Variants in RAB5IF observed in about 807,000 individuals in gnomAD.
RAB5IF encodes the protein RAB5 interacting factor, also known as GEL complex subunit OPTI.
RAB5IF carries 15 observed loss-of-function variants against 20.3 expected under a neutral mutation model. That is an observed-to-expected ratio of 0.74 (90% confidence interval 0.50 to 1.14). The LOEUF (loss-of-function observed/expected upper bound fraction) is 1.14. RAB5IF is among the 50% of genes most tolerant of loss of function. The pLI, the probability that RAB5IF is intolerant of heterozygous loss-of-function variation, is 0.00. For synonymous variants in RAB5IF, 67 were observed against 63.7 expected (o/e 1.05, Z -0.25); for missense variants, 148 against 159.5 (o/e 0.93, Z 0.39).
chr20:36,606,548 C>T (rs998835834), intron 1 of RAB5IF, among the ~76,000 whole-genome samples: 3 of 152,306 alleles, frequency 2.0e-5, no homozygotes, highest in Non-Finnish European at 4.4e-5. Flanking sequence ...TACTGTGGTA[C>T]ATTAAAGCCT....
chr20:36,608,174 A>C, intron 2 of RAB5IF: 2 of 344,592 alleles, frequency 5.8e-6, no homozygotes, highest in South Asian at 4.6e-5. Flanking sequence ...GTATTTGACG[A>C]CCATTTCCCT....
intron 1 of RAB5IF, among the ~76,000 whole-genome samples, chr20:36,606,909 G>A (rs1385466639): frequency 3.3e-5 from 5 of 152,186 alleles, no homozygotes; most frequent in African/African-American, 1.2e-4. Context: ...TTCCTGTAAA[G>A]GGGGATGGGA....
intron 3 of RAB5IF, 86 bp downstream of exon 3, chr20:36,609,816 A>C: frequency 6.2e-7 from 1 of 1,612,474 alleles, no homozygotes; most frequent in African/African-American, 1.3e-5. Context: ...ATTGAGTTAC[A>C]CTGTGTGAGC....
Position 36,612,239 on chromosome 20 carries a change from A to G in RAB5IF, c.*188A>G. The G allele has an allele frequency of 1.2e-6, 2 of 1,611,060 alleles. No individual in the cohort carries two copies. The highest frequency in any genetic ancestry group is 1.7e-6 in the Non-Finnish European group (2 of 1,177,236). On this transcript the variant is annotated 3_prime_UTR_variant, in exon 4 of 4. Transcript: ENST00000344795. ...TGTGACCTGAAACTTTTTAAAAACC[A>G]CCCACCTTTGGGGAAGCATTTCTGA...
rs1248716719 is a variant in RAB5IF, at chr20:36,609,182, C to A, written c.219-419C>A. ...ACACACACACACACACACACACACACACACACACACACGCACACACGCACA... is the reference window on the plus strand; with the variant it reads ...ACACACACACACACACACACACACAAACACACACACACGCACACACGCACA... On this transcript the variant is annotated intron_variant, in intron 2 of 3. Transcript: ENST00000344795. Among the ~76,000 whole-genome samples the A allele has an allele frequency of 1.0e-4, 4 of 39,694 alleles. 1 individual carries two copies. Among genetic ancestry groups the A allele is most frequent in the Non-Finnish European group, 1.4e-4 (3 of 20,788 alleles). The allele number at this position is 39,694 out of a possible 152,430, so 26.0% of individuals were successfully genotyped here.
chr20:36,606,599 C>T (rs1447255565), intron 1 of RAB5IF, among the ~76,000 whole-genome samples: 1 of 152,142 alleles, frequency 6.6e-6, no homozygotes, highest in Non-Finnish European at 1.5e-5. Context: ...GCTGCTGTTG[C>T]TTGTTGAATG....
At chr20:36,606,420 C>T (rs922349968) in intron 1 of RAB5IF, among the ~76,000 whole-genome samples, 3 of 152,224 alleles carry the variant, frequency 2.0e-5, no homozygotes, top group Non-Finnish European at 4.4e-5. Context: ...TTACTTGTTT[C>T]TTTCGAATTA....
chr20:36,611,790 A>G (rs2039128466), intron 3 of RAB5IF, among the ~76,000 whole-genome samples: 1 of 151,794 alleles, frequency 6.6e-6, no homozygotes, highest in Non-Finnish European at 1.5e-5. Context: ...GTAGGGGAGG[A>G]GCTTATCAGG....
chr20:36,609,229 A>G (rs1461374043), intron 2 of RAB5IF, among the ~76,000 whole-genome samples: 1 of 123,734 alleles, frequency 8.1e-6, no homozygotes. Context: ...GCACACACAC[A>G]CACACACACA....
Position 36,606,839 on chromosome 20 carries a change from T to C in RAB5IF, c.114+774T>C, listed in dbSNP as rs144896990. On this transcript the variant is annotated intron_variant, in intron 1 of 3. Transcript: ENST00000344795. ...GATTCCAGGTAGCTTGAAAAGCGTA[T>C]TATATTTGCAGTCATTTCTTGGTTT... Among the ~76,000 whole-genome samples the C allele has an allele frequency of 8.5e-5, 13 of 152,340 alleles. No homozygotes were observed. The East Asian group carries it at 2.5e-3, about 29-fold the overall frequency.
chr20:36,607,603 G>C (rs1600800412), intron 1 of RAB5IF, 112 bp from the exon 2 acceptor site: 2 of 1,286,600 alleles, frequency 1.6e-6, no homozygotes, highest in Non-Finnish European at 2.2e-6. Context: ...GTTGCCTTTG[G>C]GGGGAAACAA....
chr20:36,605,933 C>G lies in RAB5IF; in HGVS notation c.-19C>G. On this transcript the variant is annotated 5_prime_UTR_variant, in exon 1 of 4. Coordinates refer to ENST00000344795, the MANE Select transcript of RAB5IF (RefSeq NM_018840.5). ...CAGCCCGCGCGCCCCAGGCCCGGCCCGGGCGGCGCGACGGGAGGATGAGCG... is the reference window on the plus strand; with the variant it reads ...CAGCCCGCGCGCCCCAGGCCCGGCCGGGGCGGCGCGACGGGAGGATGAGCG... The G allele has an allele frequency of 6.8e-7, 1 of 1,478,902 alleles. No homozygotes were observed. The highest frequency in any genetic ancestry group is 2.7e-5 in the East Asian group (1 of 37,380). 91.6% of individuals were successfully genotyped at this position (1,478,902 alleles called of 1,614,324 possible).
intron 1 of RAB5IF, 88 bp downstream of exon 1, chr20:36,606,153 C>G (rs2038929296): frequency 2.4e-6 from 2 of 818,976 alleles, no homozygotes; most frequent in South Asian, 4.9e-5. Context: ...CCCTCGTCCT[C>G]GTTCCGGCAC....
At position 36,612,419 on chromosome 20, in the gene RAB5IF, T is replaced by A. The variant is rs1278961966; in HGVS notation, c.*368T>A. ...TCCATCGGGTGTAGAGTTTTTAAAC[T>A]ATCAATGGCATTTCAAGTCTTCTGA... is the stretch of plus-strand genomic sequence containing the variant. On this transcript the variant is annotated 3_prime_UTR_variant, in exon 4 of 4. Coordinates refer to ENST00000344795, the MANE Select transcript of RAB5IF (RefSeq NM_018840.5). 4.8e-6 allele frequency: 3 copies of A among 619,554 alleles called. No individual in the cohort carries two copies. Among genetic ancestry groups the A allele is most frequent in the Non-Finnish European group, 8.5e-6 (3 of 353,662 alleles). The allele number at this position is 619,554 out of a possible 1,614,324, so 38.4% of individuals were successfully genotyped here. A position where few individuals can be genotyped will look rare whatever the true frequency, so the allele number is the denominator to read the frequency against.
At chr20:36,609,211 G>GCACACA (rs1269110587) in intron 2 of RAB5IF, among the ~76,000 whole-genome samples, 24 of 36,580 alleles carry the variant, frequency 6.6e-4, no homozygotes, top group Non-Finnish European at 1.1e-3. Flanking sequence ...ACGCACACAC[G>GCACACA]CACACACGCA....
intron 3 of RAB5IF, among the ~76,000 whole-genome samples, chr20:36,611,292 A>G (rs957282165): frequency 6.6e-6 from 1 of 150,678 alleles, no homozygotes; most frequent in Non-Finnish European, 1.5e-5. Flanking sequence ...CACCTGGCCC[A>G]TTTTTTTTTA....
intron 2 of RAB5IF, chr20:36,608,160 T>G: frequency 2.8e-6 from 1 of 354,446 alleles, no homozygotes. Flanking sequence ...AAGTAGGAAC[T>G]TCTGTATTTG....
At chr20:36,611,870 T>G in intron 3 of RAB5IF, 140 bp from the exon 4 acceptor site, 2 of 1,107,114 alleles carry the variant, frequency 1.8e-6, no homozygotes, top group African/African-American at 1.6e-5. Flanking sequence ...GTGAAATAAT[T>G]TAGACCCCCC....
rs2038919061 is a variant in RAB5IF at position 36,605,861 on chromosome 20, C to A, written c.-91C>A. On this transcript the variant is annotated 5_prime_UTR_variant, in exon 1 of 4. Transcript: ENST00000344795. Reference sequence around the variant, plus strand: ...AGGACCGGGCCGCTGAGCCTGCAGCCGCCCCGCGCCGTGACCTGCGACCCT... The same window carrying A: ...AGGACCGGGCCGCTGAGCCTGCAGCAGCCCCGCGCCGTGACCTGCGACCCT... The A allele has an allele frequency of 3.1e-6, 2 of 654,442 alleles. No homozygotes were observed. Among genetic ancestry groups the A allele is most frequent in the African/African-American group, 1.9e-5 (1 of 52,258 alleles). 40.5% of individuals were successfully genotyped at this position (654,442 alleles called of 1,614,324 possible).
Sources: gnomAD v4.1 joint callset for allele counts (sites outside exome capture counted in the v4.1 genomes callset) on GRCh38, gnomAD v4.1.1 for gene constraint, MANE v1.5 for transcripts, NCBI Gene and HGNC (gene_info 2026-07-23, HGNC 2026-07-21) for gene names.